The following LAMA4 variants were observed in gnomAD, a reference collection of about 807,000 sequenced individuals.
The protein encoded by LAMA4 is laminin subunit alpha-4.
A neutral mutation model predicts 207.1 loss-of-function variants in LAMA4; 127 were observed. The observed-to-expected ratio is 0.61, with a 90% CI of 0.53 to 0.71. LAMA4 has a LOEUF of 0.71. Among genes scored for constraint, LAMA4 ranks in the 30% least tolerant of loss-of-function variants. LAMA4 has a pLI of 0.00. For synonymous variants in LAMA4, 761 were observed against 816.0 expected, an observed-to-expected ratio of 0.93 and a Z score of 1.15; for missense variants, 2,093 against 2,246.5, an observed-to-expected ratio of 0.93 and a Z score of 1.38.
intron 2 of LAMA4, among the ~76,000 whole-genome samples, chr6:112,231,668 C>G (rs2114266208): frequency 6.6e-6 from 1 of 152,262 alleles, no homozygotes; most frequent in Non-Finnish European, 1.5e-5. Context: ...TAATATACAC[C>G]AGCATGTGTG....
intron 18 of LAMA4, among the ~76,000 whole-genome samples, chr6:112,145,590 C>T (rs1329658351): frequency 6.6e-6 from 1 of 152,206 alleles, no homozygotes; most frequent in Non-Finnish European, 1.5e-5. Context: ...GAGAGAGCTG[C>T]TGAACAGAAC....
At chr6:112,115,616 G>A (rs372540628) in intron 36 of LAMA4, among the ~76,000 whole-genome samples, 4 of 152,024 alleles carry the variant, frequency 2.6e-5, no homozygotes, top group Non-Finnish European at 5.9e-5. Context: ...TCTTAAAACT[G>A]TGTTGTTATT....
At chr6:112,197,948 C>T (rs1562722533) in intron 5 of LAMA4, among the ~76,000 whole-genome samples, 1 of 152,138 alleles carries the variant, frequency 6.6e-6, no homozygotes, top group African/African-American at 2.4e-5. Flanking sequence ...GAATGTTTTC[C>T]TTAAAGTTAT....
At chr6:112,191,096 G>T (rs1783093017) in intron 6 of LAMA4, among the ~76,000 whole-genome samples, 1 of 151,528 alleles carries the variant, frequency 6.6e-6, no homozygotes, top group Non-Finnish European at 1.5e-5. Flanking sequence ...CCACCTCCTG[G>T]GTTCAAGGGA....
intron 37 of LAMA4, 31 bp from the exon 38 acceptor site, chr6:112,114,226 T>C (rs1554322547): frequency 6.2e-7 from 1 of 1,606,080 alleles, no homozygotes; most frequent in Non-Finnish European, 8.5e-7. Context: ...TGGTCATAAG[T>C]GGCACTGGAG....
At chr6:112,157,150 A>G (rs1780767973) in intron 14 of LAMA4, among the ~76,000 whole-genome samples, 1 of 152,180 alleles carries the variant, frequency 6.6e-6, no homozygotes, top group African/African-American at 2.4e-5. Context: ...CTTCTGAGAA[A>G]ATGGCCTCAG....
intron 14 of LAMA4, among the ~76,000 whole-genome samples, chr6:112,157,139 C>T (rs1460444077): frequency 6.6e-6 from 1 of 152,114 alleles, no homozygotes; most frequent in African/African-American, 2.4e-5. Context: ...CCCCACAACC[C>T]CTTCTGAGAA....
chr6:112,185,042 A>T, intron 9 of LAMA4, among the ~76,000 whole-genome samples, 195 bp downstream of exon 9: 1 of 152,216 alleles, frequency 6.6e-6, no homozygotes, highest in East Asian at 1.9e-4. Flanking sequence ...AAAACAATCA[A>T]AACGAGAGGA....
chr6:112,170,455 A>C (rs1781648382), intron 12 of LAMA4, among the ~76,000 whole-genome samples: 1 of 152,150 alleles, frequency 6.6e-6, no homozygotes, highest in African/African-American at 2.4e-5. Flanking sequence ...AAATGCTCTT[A>C]ATCTTCTTTG....
At position 112,155,604 on chromosome 6, in the gene LAMA4, T is replaced by C. The variant is rs1554336728; in HGVS notation, c.1920A>G (p.Thr640=). ...CAGTGGTGTTCAAAGCAAATTCTGC[T>C]GTTTCATTGGCTTCACTAACATAAT... The part of the protein sequence containing the change: ...IVNYVSEANE[T]AEFALNTTDR... The change falls in exon 15 of 39, where the codon ACA becomes ACG. Residue 640 remains threonine (T), a synonymous_variant. Coordinates refer to ENST00000230538, the MANE Select transcript of LAMA4 (RefSeq NM_001105206.3). The C allele has an allele frequency of 6.2e-7, 1 of 1,614,210 alleles. No homozygotes were observed. Among genetic ancestry groups the C allele is most frequent in the South Asian group, 1.1e-5 (1 of 91,082 alleles).
At chr6:112,182,385 T>C (rs1554345517) in intron 9 of LAMA4, among the ~76,000 whole-genome samples, 1 of 152,214 alleles carries the variant, frequency 6.6e-6, no homozygotes, top group Non-Finnish European at 1.5e-5. Context: ...TTCAAAGTAA[T>C]ACTCAGCATA....
chr6:112,250,346 G>A (rs1392519423), intron 2 of LAMA4, among the ~76,000 whole-genome samples: 2 of 152,116 alleles, frequency 1.3e-5, no homozygotes, highest in African/African-American at 4.8e-5. Flanking sequence ...TGGGACATGG[G>A]GTCACGTATC....
At chr6:112,197,227 T>A (rs1236114680) in intron 5 of LAMA4, among the ~76,000 whole-genome samples, 1 of 152,164 alleles carries the variant, frequency 6.6e-6, no homozygotes, top group African/African-American at 2.4e-5. Flanking sequence ...GTGAGTAGCA[T>A]GTCCAACACG....
chr6:112,148,288 G>C lies in LAMA4; in HGVS notation c.2222C>G (p.Ala741Gly), dbSNP rs986870914. ...CTGCACCTCCATCGTCGTCCTGTTG[G>C]CTTCCTCGGTGATCAGTCTAGACTG... ...LGQSRLITEE[A>G]NRTTMEVQQA... Residue 741 changes from alanine to glycine, a missense_variant, in exon 18 of 39, where the codon GCC (alanine) becomes GGC (glycine). Ala to Gly is a moderately conservative substitution (Grantham distance 60). Coordinates refer to ENST00000230538, the MANE Select transcript of LAMA4 (RefSeq NM_001105206.3). The C allele has an allele frequency of 6.2e-7, 1 of 1,614,056 alleles. No homozygotes were observed. The highest frequency in any genetic ancestry group is 1.7e-5 in the Admixed American group (1 of 59,998).
chr6:112,200,252 A>AT, intron 5 of LAMA4: 1 of 479,366 alleles, frequency 2.1e-6, no homozygotes, highest in South Asian at 1.6e-5. Flanking sequence ...AAAAGAAGAC[A>AT]TTTATGTGGC....
At chr6:112,145,577 G>T (rs1303772649) in intron 18 of LAMA4, among the ~76,000 whole-genome samples, 1 of 152,202 alleles carries the variant, frequency 6.6e-6, no homozygotes, top group Non-Finnish European at 1.5e-5. Context: ...GAGAGCTTCT[G>T]ATGAGAGAGC....
At chr6:112,172,837 G>GT (rs782007628) in intron 11 of LAMA4, 33 bp from the exon 12 acceptor site, 3 of 1,574,470 alleles carry the variant, frequency 1.9e-6, no homozygotes, top group Admixed American at 3.4e-5. Flanking sequence ...GCTCAGTGTG[G>GT]CTTTCTCCTG....
chr6:112,231,063 C>CT (rs1554364277), intron 2 of LAMA4, among the ~76,000 whole-genome samples: 1 of 152,194 alleles, frequency 6.6e-6, no homozygotes, highest in East Asian at 1.9e-4. Context: ...GCTCACACCT[C>CT]TTTTGGGCCT....
intron 2 of LAMA4, among the ~76,000 whole-genome samples, chr6:112,225,248 C>A (rs1398510584): frequency 6.6e-6 from 1 of 152,154 alleles, no homozygotes; most frequent in Admixed American, 6.5e-5. Context: ...TTATAGGCAC[C>A]TGAAGTTGAG....
Sources: allele counts gnomAD v4.1 joint callset (sites outside exome capture counted in the v4.1 genomes callset), GRCh38; gene constraint gnomAD v4.1.1; transcripts MANE v1.5; gene names NCBI Gene and HGNC (gene_info 2026-07-23, HGNC 2026-07-21).